The following NUS1 variants were observed in gnomAD, a reference collection of about 807,000 sequenced individuals.
NUS1 encodes NUS1 dehydrodolichyl diphosphate synthase subunit.
For missense variants in NUS1, 292 were observed against 382.9 expected, an observed-to-expected ratio of 0.76 and a Z score of 1.98; for synonymous variants, 135 against 155.2, an observed-to-expected ratio of 0.87 and a Z score of 0.97.
chr6:117,689,100 G>A (rs922575607), intron 1 of NUS1, among the ~76,000 whole-genome samples: 3 of 152,198 alleles, frequency 2.0e-5, no homozygotes, highest in East Asian at 1.9e-4. Flanking sequence ...GCCAGGTTAC[G>A]TGTTGAATCA....
chr6:117,678,730 G>T (rs1315819475), intron 1 of NUS1, among the ~76,000 whole-genome samples: 4 of 147,508 alleles, frequency 2.7e-5, no homozygotes, highest in African/African-American at 1.0e-4. Context: ...ACCCAGGCTG[G>T]AGTGCAGTGG....
At position 117,706,978 on chromosome 6, in the gene NUS1, G is replaced by A. The variant is rs140791750; in HGVS notation, c.845G>A (p.Arg282His). 4.2e-5 allele frequency: 67 copies of A among 1,612,420 alleles called. 1 individual carries two copies. The highest frequency in any genetic ancestry group is 1.2e-4 in the South Asian group (11 of 91,052). ...ISYEDFFSAL[R>H]QYAACEQRLG... The stretch of plus-strand genomic sequence containing the variant: ...TATGAGGACTTTTTCTCTGCCCTTC[G>A]TCAATATGCAGCCTGTGAACAGCGT... The change falls in exon 5 of 5, where the codon CGT becomes CAT. Residue 282 changes from arginine to histidine, a missense_variant. By Grantham distance (29) the Arg-to-His change is conservative. Coordinates refer to ENST00000368494, the MANE Select transcript of NUS1 (RefSeq NM_138459.5).
At chr6:117,677,595 G>C (rs1432822986) in intron 1 of NUS1, among the ~76,000 whole-genome samples, 2 of 152,218 alleles carry the variant, frequency 1.3e-5, no homozygotes, top group Non-Finnish European at 2.9e-5. Flanking sequence ...GGTTTTGTCA[G>C]AAAGGGAAGG....
chr6:117,698,459 T>C (rs1773352485), intron 3 of NUS1, among the ~76,000 whole-genome samples: 1 of 151,826 alleles, frequency 6.6e-6, no homozygotes, highest in African/African-American at 2.4e-5. Flanking sequence ...CCCACCAAGA[T>C]TGAACCATGA....
chr6:117,694,288 A>G (rs1216784015), intron 3 of NUS1, 108 bp downstream of exon 3: 1 of 544,616 alleles, frequency 1.8e-6, no homozygotes, highest in East Asian at 3.6e-5. Flanking sequence ...TTTCTTTCAC[A>G]CCATAAAGCC....
At chr6:117,697,514 A>G (rs1773337064) in intron 3 of NUS1, among the ~76,000 whole-genome samples, 1 of 152,110 alleles carries the variant, frequency 6.6e-6, no homozygotes, top group Non-Finnish European at 1.5e-5. Flanking sequence ...CTATACTTAT[A>G]TCAGACAAAA....
intron 1 of NUS1, among the ~76,000 whole-genome samples, chr6:117,679,802 T>C (rs1582463763): frequency 6.6e-6 from 1 of 152,314 alleles, no homozygotes; most frequent in East Asian, 1.9e-4. Flanking sequence ...TGCAGTGTTA[T>C]TTTTGCTATG....
chr6:117,691,921 T>A (rs1390169751), intron 1 of NUS1, among the ~76,000 whole-genome samples: 1 of 151,872 alleles, frequency 6.6e-6, no homozygotes, highest in Non-Finnish European at 1.5e-5. Flanking sequence ...AGATTTAGAC[T>A]TTCCCATCTT....
chr6:117,700,894 A>C (rs1437246965), intron 3 of NUS1, among the ~76,000 whole-genome samples: 1 of 152,132 alleles, frequency 6.6e-6, no homozygotes, highest in Admixed American at 6.5e-5. Flanking sequence ...TGGGAGCTAA[A>C]AATTAAAACA....
At chr6:117,702,333 G>A (rs1266806655) in intron 3 of NUS1, among the ~76,000 whole-genome samples, 1 of 152,108 alleles carries the variant, frequency 6.6e-6, no homozygotes, top group Admixed American at 6.5e-5. Context: ...GCAGCAAGTA[G>A]CAAATCATCT....
chr6:117,685,969 A>G (rs1773132222), intron 1 of NUS1, among the ~76,000 whole-genome samples: 1 of 150,988 alleles, frequency 6.6e-6, no homozygotes, highest in South Asian at 2.1e-4. Flanking sequence ...CTCATTAAAA[A>G]AAAAAAAAAG....
At chr6:117,691,564 T>TAG (rs1773220226) in intron 1 of NUS1, among the ~76,000 whole-genome samples, 1 of 30,800 alleles carries the variant, frequency 3.2e-5, no homozygotes, top group African/African-American at 6.9e-5. Context: ...TATAGATATA[T>TAG]ATATATATAT....
chr6:117,679,051 C>G (rs531413672), intron 1 of NUS1, among the ~76,000 whole-genome samples: 4 of 152,222 alleles, frequency 2.6e-5, no homozygotes, highest in African/African-American at 9.6e-5. Context: ...ATGAAAAATC[C>G]TATTGACATA....
intron 3 of NUS1, among the ~76,000 whole-genome samples, chr6:117,694,642 G>T (rs899854879): frequency 6.6e-6 from 1 of 151,682 alleles, no homozygotes; most frequent in Non-Finnish European, 1.5e-5. Context: ...AACTGTATTT[G>T]TCATGTTATA....
At chr6:117,703,849 T>G in intron 4 of NUS1, 145 bp downstream of exon 4, 1 of 660,434 alleles carries the variant, frequency 1.5e-6, no homozygotes, top group Non-Finnish European at 2.7e-6. Context: ...ACTGGTAAAA[T>G]AAAGTCATAC....
chr6:117,698,898 A>G (rs1432548180), intron 3 of NUS1, among the ~76,000 whole-genome samples: 1 of 152,164 alleles, frequency 6.6e-6, no homozygotes, highest in African/African-American at 2.4e-5. Flanking sequence ...ACAGTATGAA[A>G]GATAAAAATC....
intron 1 of NUS1, among the ~76,000 whole-genome samples, chr6:117,686,370 G>T (rs1187085484): frequency 6.6e-6 from 1 of 152,056 alleles, no homozygotes; most frequent in African/African-American, 2.4e-5. Flanking sequence ...TCAAAATTTA[G>T]TTGTATAGTG....
intron 1 of NUS1, among the ~76,000 whole-genome samples, chr6:117,690,670 A>G (rs1228880223): frequency 1.3e-5 from 2 of 152,036 alleles, no homozygotes; most frequent in Non-Finnish European, 2.9e-5. Context: ...CCTTCAAACA[A>G]GTTCTCTTTG....
At chr6:117,703,918 AT>A (rs1296453902) in intron 4 of NUS1, among the ~76,000 whole-genome samples, 1 of 152,192 alleles carries the variant, frequency 6.6e-6, no homozygotes, top group Non-Finnish European at 1.5e-5. Flanking sequence ...ATTGCCACTG[AT>A]TACCTTAGGA....
Sources: allele counts gnomAD v4.1 joint callset (sites outside exome capture counted in the v4.1 genomes callset), GRCh38; gene constraint gnomAD v4.1.1; transcripts MANE v1.5; gene names NCBI Gene and HGNC (gene_info 2026-07-23, HGNC 2026-07-21).